The following PEPD variants were observed in gnomAD, a reference collection of about 807,000 sequenced individuals.
The protein encoded by PEPD is xaa-Pro dipeptidase.
PEPD carries 53 observed loss-of-function variants against 60.7 expected under a neutral mutation model. The ratio of observed to expected loss-of-function variants is 0.87; its 90% CI spans 0.70 to 1.10. The LOEUF is 1.10. Ranked by LOEUF, PEPD falls within the 50% of genes least tolerant of loss-of-function variation. PEPD has a pLI of 0.00. For synonymous variants in PEPD, 267 were observed against 284.1 expected, an observed-to-expected ratio of 0.94 and a Z score of 0.60; for missense variants, 711 against 711.9, an observed-to-expected ratio of 1.00 and a Z score of 0.01.
intron 3 of PEPD, among the ~76,000 whole-genome samples, chr19:33,505,081 GA>G (rs1970774427): frequency 6.6e-6 from 1 of 152,198 alleles, no homozygotes; most frequent in African/African-American, 2.4e-5. Flanking sequence ...GTGCAGACAC[GA>G]GGAGCCCTCT....
intron 11 of PEPD, among the ~76,000 whole-genome samples, chr19:33,407,612 G>A (rs936476169): frequency 1.1e-4 from 17 of 152,222 alleles, no homozygotes; most frequent in African/African-American, 4.1e-4. Flanking sequence ...TAATTAGCAA[G>A]TGTGCTGCGC....
At chr19:33,406,063 C>T (rs1200426210) in intron 11 of PEPD, among the ~76,000 whole-genome samples, 1 of 152,200 alleles carries the variant, frequency 6.6e-6, no homozygotes, top group Non-Finnish European at 1.5e-5. Flanking sequence ...TGGGGTGCCT[C>T]GTCCAGAGGT....
chr19:33,485,297 C>T (rs1970376308), intron 6 of PEPD, among the ~76,000 whole-genome samples: 2 of 152,066 alleles, frequency 1.3e-5, no homozygotes, highest in South Asian at 4.1e-4. Flanking sequence ...AGCTCGAGAC[C>T]AGCCTGGCCA....
At chr19:33,462,931 C>T in intron 9 of PEPD, 64 bp downstream of exon 9, 4 of 1,010,576 alleles carry the variant, frequency 4.0e-6, no homozygotes, top group Non-Finnish European at 6.4e-6. Flanking sequence ...CTGTTACTCA[C>T]TCAGGGAACA....
intron 7 of PEPD, among the ~76,000 whole-genome samples, chr19:33,470,684 G>A (rs541754987): frequency 6.6e-6 from 1 of 152,264 alleles, no homozygotes; most frequent in African/African-American, 2.4e-5. Context: ...TGTCATCAAA[G>A]CTACCTGTCC....
chr19:33,447,714 C>T (rs1969618216), intron 9 of PEPD, among the ~76,000 whole-genome samples: 2 of 152,196 alleles, frequency 1.3e-5, no homozygotes. Context: ...GCTCAGCCAC[C>T]CCCAAGATGC....
intron 9 of PEPD, among the ~76,000 whole-genome samples, chr19:33,418,778 A>T (rs1010669682): frequency 4.6e-5 from 7 of 152,148 alleles, no homozygotes; most frequent in African/African-American, 1.7e-4. Context: ...GACGACAAAC[A>T]CAGACAAAGC....
chr19:33,411,779 G>C, intron 10 of PEPD, 30 bp from the exon 11 acceptor site: 1 of 1,406,028 alleles, frequency 7.1e-7, no homozygotes, highest in Middle Eastern at 1.8e-4. Flanking sequence ...GGTGATCAAA[G>C]CCCATTCTTC....
chr19:33,489,685 G>T (rs1158548145), intron 6 of PEPD, among the ~76,000 whole-genome samples: 2 of 151,836 alleles, frequency 1.3e-5, no homozygotes, highest in Non-Finnish European at 2.9e-5. Context: ...AGACCACAGG[G>T]GCTCACAGCA....
At chr19:33,454,433 C>T (rs555929629) in intron 9 of PEPD, among the ~76,000 whole-genome samples, 2 of 152,098 alleles carry the variant, frequency 1.3e-5, no homozygotes, top group South Asian at 2.1e-4. Flanking sequence ...AAAACCCTGT[C>T]TCTACTAAAA....
intron 7 of PEPD, chr19:33,477,134 C>G (rs1165768815): frequency 2.0e-5 from 3 of 152,362 alleles, no homozygotes; most frequent in African/African-American, 7.2e-5. Flanking sequence ...TGGCTCCGCA[C>G]TGGCCACACA....
At chr19:33,393,194 T>C (rs1197933729) in intron 12 of PEPD, among the ~76,000 whole-genome samples, 6 of 142,194 alleles carry the variant, frequency 4.2e-5, no homozygotes, top group East Asian at 2.2e-4. Context: ...GGGGAGGCCG[T>C]CCCGGGGTCT....
intron 9 of PEPD, among the ~76,000 whole-genome samples, chr19:33,438,740 G>C (rs557901224): frequency 6.6e-6 from 1 of 152,358 alleles, no homozygotes; most frequent in African/African-American, 2.4e-5. Context: ...TTTTGAGACG[G>C]AGTCTCATTC....
chr19:33,469,251 A>G (rs1449020696), intron 7 of PEPD, among the ~76,000 whole-genome samples: 1 of 152,070 alleles, frequency 6.6e-6, no homozygotes, highest in Non-Finnish European at 1.5e-5. Flanking sequence ...GTGCCCACCC[A>G]TCCCCACAGG....
At chr19:33,489,696 G>C (rs540810948) in intron 6 of PEPD, among the ~76,000 whole-genome samples, 1 of 152,210 alleles carries the variant, frequency 6.6e-6, no homozygotes, top group South Asian at 2.1e-4. Flanking sequence ...GCTCACAGCA[G>C]ATGTTTAGAG....
At chr19:33,397,814 T>A (rs1403845951) in intron 12 of PEPD, among the ~76,000 whole-genome samples, 28 of 151,826 alleles carry the variant, frequency 1.8e-4, no homozygotes. Context: ...GCCCCAAGAG[T>A]CAGCATGAAC....
Position 33,517,383 on chromosome 19 carries a change from C to A in PEPD, c.17+4361G>T, listed in dbSNP as rs548502583. On this transcript the variant is annotated intron_variant, in intron 1 of 14. Transcript: ENST00000244137. ...GATACCACCTGGCCAACATGGTGAGCCCCTGTGTCTACTAAAAATACAAAA... is the reference window on the plus strand; with the variant it reads ...GATACCACCTGGCCAACATGGTGAGACCCTGTGTCTACTAAAAATACAAAA... Among the ~76,000 whole-genome samples, 4 of 151,422 alleles carry A rather than the reference C, an allele frequency of 2.6e-5. No homozygotes were observed. The East Asian group carries it at 7.9e-4, about 30-fold the overall frequency.
chr19:33,437,163 G>A (rs975090956), intron 9 of PEPD, among the ~76,000 whole-genome samples: 2 of 152,078 alleles, frequency 1.3e-5, no homozygotes, highest in African/African-American at 2.4e-5. Context: ...ACCGGGCTCC[G>A]GCCCTCGGAA....
intron 6 of PEPD, among the ~76,000 whole-genome samples, chr19:33,483,066 T>C (rs563216294): frequency 6.6e-6 from 1 of 152,288 alleles, no homozygotes; most frequent in African/African-American, 2.4e-5. Context: ...TTAATCACAG[T>C]AGAATTAAAT....
Sources: allele counts gnomAD v4.1 joint callset (sites outside exome capture counted in the v4.1 genomes callset), GRCh38; gene constraint gnomAD v4.1.1; transcripts MANE v1.5; gene names NCBI Gene and HGNC (gene_info 2026-07-23, HGNC 2026-07-21).